Variants in LYPD4 observed in about 807,000 individuals in gnomAD.
LYPD4 encodes the protein LY6/PLAUR domain containing 4.
LYPD4 carries 20 observed loss-of-function variants against 18.2 expected under a neutral mutation model. The ratio of observed to expected loss-of-function variants is 1.10; its 90% CI spans 0.77 to 1.59. The LOEUF (loss-of-function observed/expected upper bound fraction) is 1.59, where lower values mean the gene tolerates loss of function less well. LYPD4 is among the 40% of genes most tolerant of loss of function. The pLI is 0.00. For synonymous variants in LYPD4, 111 were observed against 118.3 expected (o/e 0.94, Z 0.40); for missense variants, 278 against 300.3 (o/e 0.93, Z 0.55).
At position 41,843,680 on chromosome 19, in the gene LYPD4, T is replaced by C. The variant is rs2073729788; in HGVS notation, c.-223A>G. ...CAATGCCTCAGACACACATGCTCTG[T>C]AACCCAGAAATCTGTGGCCAAGAAA... On this transcript the variant is annotated 5_prime_UTR_variant, in exon 1 of 5. Transcript: ENST00000609812. 6.6e-6 allele frequency: 1 copy of C among 151,894 alleles called. No individual in the cohort carries two copies. Among genetic ancestry groups the C allele is most frequent in the Admixed American group, 6.6e-5 (1 of 15,210 alleles). 9.4% of individuals were successfully genotyped at this position (151,894 alleles called of 1,614,324 possible).
At chr19:41,839,575 G>C (rs1190499025) in intron 1 of LYPD4, 170 bp from the exon 2 acceptor site, 9 of 466,288 alleles carry the variant, frequency 1.9e-5, no homozygotes, top group African/African-American at 1.2e-4. Flanking sequence ...CCTCCCATTG[G>C]ACAAGGTGCT....
chr19:41,839,657 T>C (rs74728743), intron 1 of LYPD4: 282 of 221,756 alleles, frequency 1.3e-3, no homozygotes, highest in African/African-American at 6.8e-3. Flanking sequence ...GAGAAACAAA[T>C]AGATGTTTCA....
rs937220127 is a variant in LYPD4 at position 41,843,628 on chromosome 19, G to A, written c.-171C>T. ...CCCCTGCCCAGCAGTCCAGCTAGAG[G>A]TCACGTCGGCCACCCTTTTCTGCCT... On this transcript the variant is annotated 5_prime_UTR_variant, in exon 1 of 5. Transcript: ENST00000609812. The A allele has an allele frequency of 1.3e-5, 2 of 151,958 alleles. No individual in the cohort carries two copies. The highest frequency in any genetic ancestry group is 4.8e-5 in the African/African-American group (2 of 41,300). The allele number at this position is 151,958 out of a possible 1,614,324, so 9.4% of individuals were successfully genotyped here.
At chr19:41,839,431 G>C in intron 1 of LYPD4, 26 bp from the exon 2 acceptor site, 1 of 743,360 alleles carries the variant, frequency 1.3e-6, no homozygotes, top group Non-Finnish European at 2.3e-6. Context: ...GATTGCATCA[G>C]CTTCTAGGAC....
Position 41,837,324 on chromosome 19 carries a change from A to G in LYPD4, c.560T>C (p.Leu187Pro). The change falls in exon 5 of 5, where the codon CTC becomes CCC. Residue 187 changes from leucine (L) to proline (P), a missense_variant. Physicochemically the swap from Leu to Pro is moderately conservative, Grantham distance 98. Transcript: ENST00000609812. ...ATGTTCACGAGCACACCCCATGAGG[A>G]GGAAGGTGGTATTGAGAAACCCTGT... Reference protein sequence around the residue: ...FQAGFLNTTFLLMGCAREHNQ... With the variant: ...FQAGFLNTTFPLMGCAREHNQ... The G allele has an allele frequency of 6.2e-7, 1 of 1,613,990 alleles. No homozygotes were observed. The highest frequency in any genetic ancestry group is 1.1e-5 in the South Asian group (1 of 91,082).
At chr19:41,840,364 T>C (rs189755565) in intron 1 of LYPD4, among the ~76,000 whole-genome samples, 56 of 151,898 alleles carry the variant, frequency 3.7e-4, no homozygotes, top group African/African-American at 1.3e-3. Flanking sequence ...GGGATGGAGG[T>C]TGCAGTGAGC....
chr19:41,836,506 A>T (rs1386570971), downstream of LYPD4, among the ~76,000 whole-genome samples: 1 of 151,990 alleles, frequency 6.6e-6, no homozygotes, highest in African/African-American at 2.4e-5. Flanking sequence ...AGGTCTTGTG[A>T]GGATTAAATG....
In LYPD4 at chr19:41,839,214, C is replaced by G. The variant is rs2073491838; in HGVS notation, c.67+5G>C. 6.2e-7 allele frequency: 1 copy of G among 1,614,064 alleles called. No individual in the cohort carries two copies. Among genetic ancestry groups the G allele is most frequent in the Non-Finnish European group, 8.5e-7 (1 of 1,180,048 alleles). ...TCTTATAGCATCCAGCCCCACAGGA[C>G]ATACGAGGCAGAGTGGAGATGGCCC... is the stretch of plus-strand genomic sequence containing the variant. On this transcript the variant is annotated splice_donor_5th_base_variant and intron_variant, in intron 2 of 4. Coordinates refer to ENST00000609812, the MANE Select transcript of LYPD4 (RefSeq NM_173506.7).
intron 1 of LYPD4, among the ~76,000 whole-genome samples, chr19:41,842,615 G>T (rs537598907): frequency 6.6e-6 from 1 of 151,174 alleles, no homozygotes; most frequent in African/African-American, 2.4e-5. Context: ...AAAATTAGTC[G>T]AGTGTGGTGG....
intron 3 of LYPD4, 50 bp downstream of exon 3, chr19:41,838,831 G>C (rs368052508): frequency 6.3e-7 from 1 of 1,597,380 alleles, no homozygotes; most frequent in Admixed American, 1.7e-5. Context: ...GTGGAGCTGG[G>C]GGTCAGAAGA....
Position 41,837,648 on chromosome 19 carries a change from C to G in LYPD4, c.538+287G>C, listed in dbSNP as rs2073410232. Among the ~76,000 whole-genome samples, 3 of 151,448 alleles carry G rather than the reference C, an allele frequency of 2.0e-5. No individual in the cohort carries two copies. The South Asian group carries it at 6.3e-4, about 32-fold the overall frequency. The stretch of plus-strand genomic sequence containing the variant: ...GGCAGAGGTTGCAGTGAGCCGAGAT[C>G]GGACCACTGCACTCCAGCCTGGGCA... On this transcript the variant is annotated intron_variant, in intron 4 of 4. Coordinates refer to ENST00000609812, the MANE Select transcript of LYPD4 (RefSeq NM_173506.7).
Position 41,844,556 on chromosome 19 carries a change from G to C in LYPD4, c.-1099C>G, listed in dbSNP as rs536002291. 24 of 152,364 alleles carry C rather than the reference G, an allele frequency of 1.6e-4. No individual in the cohort carries two copies. The highest frequency in any genetic ancestry group is 3.9e-4 in the Admixed American group (6 of 15,300). The allele number at this position is 152,364 out of a possible 1,614,324, so 9.4% of individuals were successfully genotyped here. On this transcript the variant is annotated 5_prime_UTR_variant, in exon 1 of 5. Coordinates refer to ENST00000609812, the MANE Select transcript of LYPD4 (RefSeq NM_173506.7). ...AAAGAAGGGTAGCTCAGGAGTTGTG[G>C]GGCACCGGAAGAGACATAACAGAAA...
downstream of LYPD4, chr19:41,836,058 T>A (rs1336431739): frequency 6.7e-6 from 1 of 149,530 alleles, no homozygotes; most frequent in Non-Finnish European, 1.5e-5. Context: ...CTCCATTCCC[T>A]ACTTCCCACC....
In LYPD4 at chr19:41,843,840, C is replaced by T. The variant is rs568235559; in HGVS notation, c.-383G>A. 1 of 140,332 alleles carries T rather than the reference C, an allele frequency of 7.1e-6. No individual in the cohort carries two copies. The highest frequency in any genetic ancestry group is 2.1e-4 in the East Asian group (1 of 4,652). 8.7% of individuals were successfully genotyped at this position (140,332 alleles called of 1,614,324 possible). On this transcript the variant is annotated 5_prime_UTR_variant, in exon 1 of 5. Transcript: ENST00000609812. ...CAGCCTCAGATGCAGAACAACTGGA[C>T]CTGGACCTAACAAGCTGAGTACAAG...
rs1555832503 is a variant in LYPD4, at chr19:41,839,208, A to G, written c.67+11T>C. The stretch of plus-strand genomic sequence containing the variant: ...TCTGGGTCTTATAGCATCCAGCCCC[A>G]CAGGACATACGAGGCAGAGTGGAGA... On this transcript the variant is annotated intron_variant, in intron 2 of 4. Transcript: ENST00000609812. The G allele has an allele frequency of 1.2e-6, 2 of 1,614,114 alleles. No individual in the cohort carries two copies. The highest frequency in any genetic ancestry group is 1.7e-6 in the Non-Finnish European group (2 of 1,180,016).
chr19:41,839,227 G>A lies in LYPD4; in HGVS notation c.59C>T (p.Thr20Ile). 1 of 1,614,182 alleles carries A rather than the reference G, an allele frequency of 6.2e-7. No homozygotes were observed. Among genetic ancestry groups the A allele is most frequent in the Non-Finnish European group, 8.5e-7 (1 of 1,180,042 alleles). Residue 20 changes from threonine (T) to isoleucine (I), a missense_variant, in exon 2 of 5, where the codon ACT becomes ATT. Physicochemically the swap from Thr to Ile is moderately conservative, Grantham distance 89 (BLOSUM62 -1). Coordinates refer to ENST00000609812, the MANE Select transcript of LYPD4 (RefSeq NM_173506.7). The stretch of plus-strand genomic sequence containing the variant: ...AGCCCCACAGGACATACGAGGCAGA[G>A]TGGAGATGGCCCCTAGAAGGCAGAA... The part of the protein sequence containing the change: ...QLFCLLGAIS[T>I]LPRAGALLCY...
chr19:41,841,258 A>G (rs1555833320), intron 1 of LYPD4, among the ~76,000 whole-genome samples: 1 of 151,726 alleles, frequency 6.6e-6, no homozygotes, highest in Admixed American at 6.6e-5. Context: ...ACAGTGGCTT[A>G]TGCCGGTAAT....
At position 41,837,322 on chromosome 19, in the gene LYPD4, G is replaced by C. The variant is rs376114919; in HGVS notation, c.562C>G (p.Leu188Val). 8 of 1,614,016 alleles carry C rather than the reference G, an allele frequency of 5.0e-6. No individual in the cohort carries two copies. The African/African-American group carries it at 1.1e-4, about 22-fold the overall frequency. Reference sequence around the variant, plus strand: ...TTATGTTCACGAGCACACCCCATGAGGAGGAAGGTGGTATTGAGAAACCCT... The same window carrying C: ...TTATGTTCACGAGCACACCCCATGACGAGGAAGGTGGTATTGAGAAACCCT... ...QAGFLNTTFL[L>V]MGCAREHNQL... Residue 188 changes from leucine (L) to valine (V), a missense_variant, in exon 5 of 5, where the codon CTC becomes GTC. Coordinates refer to ENST00000609812, the MANE Select transcript of LYPD4 (RefSeq NM_173506.7).
chr19:41,839,694 G>GTGTGTGTGTGTGTT, intron 1 of LYPD4: 1 of 193,360 alleles, frequency 5.2e-6, no homozygotes, highest in Non-Finnish European at 1.1e-5. Context: ...GTGTGTGTGT[G>GTGTGTGTGTGTGTT]TGTGTGTGTG....
Sources: gnomAD v4.1 joint callset for allele counts (sites outside exome capture counted in the v4.1 genomes callset) on GRCh38, gnomAD v4.1.1 for gene constraint, MANE v1.5 for transcripts, NCBI Gene and HGNC (gene_info 2026-07-23, HGNC 2026-07-21) for gene names.